Variants in DLGAP1 observed in about 807,000 individuals in gnomAD.
DLGAP1 encodes the protein DLG associated protein 1.
A neutral mutation model predicts 90.8 loss-of-function variants in DLGAP1; 11 were observed. The observed-to-expected ratio is 0.12, with a 90% CI of 0.08 to 0.20. The LOEUF (loss-of-function observed/expected upper bound fraction) is 0.20. Ranked by LOEUF, DLGAP1 falls within the 10% of genes least tolerant of loss-of-function variation. DLGAP1 has a pLI of 1.00. For synonymous variants in DLGAP1, 558 were observed against 540.7 expected (o/e 1.03, Z -0.44); for missense variants, 1,050 against 1,333.8 (o/e 0.79, Z 3.31).
chr18:3,912,328 T>G (rs957287290), intron 3 of DLGAP1, among the ~76,000 whole-genome samples: 8 of 152,164 alleles, frequency 5.3e-5, no homozygotes, highest in Non-Finnish European at 8.8e-5. Context: ...GAAATGCAAA[T>G]GAAGGAAACT....
intron 3 of DLGAP1, among the ~76,000 whole-genome samples, chr18:4,000,593 G>A (rs557622941): frequency 6.6e-6 from 1 of 152,266 alleles, no homozygotes; most frequent in South Asian, 2.1e-4. Context: ...AAATTCCCCA[G>A]GAAAGGCTCA....
chr18:3,914,729 A>G (rs987962568), intron 3 of DLGAP1, among the ~76,000 whole-genome samples: 3 of 152,008 alleles, frequency 2.0e-5, no homozygotes, highest in Non-Finnish European at 4.4e-5. Context: ...AGTATTTGCT[A>G]TCTTTCATTC....
chr18:3,583,180 ACCTACCTT>A (rs1178778893), intron 7 of DLGAP1, among the ~76,000 whole-genome samples: 47 of 132,900 alleles, frequency 3.5e-4, no homozygotes, highest in South Asian at 9.6e-4. Flanking sequence ...CTACCTACCT[ACCTACCTT>A]CCTTCCTTCC....
chr18:3,871,438 T>C (rs1173004495), intron 4 of DLGAP1, among the ~76,000 whole-genome samples: 2 of 152,232 alleles, frequency 1.3e-5, no homozygotes, highest in Non-Finnish European at 1.5e-5. Context: ...ATGTATCTTA[T>C]GATTTTAGAG....
At chr18:3,887,212 C>T (rs2071339818) in intron 3 of DLGAP1, among the ~76,000 whole-genome samples, 7 of 152,100 alleles carry the variant, frequency 4.6e-5, no homozygotes, top group South Asian at 4.2e-4. Context: ...CAAAATAGCT[C>T]GCGGTTATTT....
intron 5 of DLGAP1, among the ~76,000 whole-genome samples, chr18:3,748,318 C>T (rs1186954626): frequency 3.9e-5 from 6 of 152,206 alleles, no homozygotes. Context: ...AGAGCGTGTA[C>T]AGTAATCATC....
chr18:3,499,296 G>T lies in DLGAP1; in HGVS notation c.2823C>A (p.Ala941=), dbSNP rs756019461. 1 of 1,587,618 alleles carries T rather than the reference G, an allele frequency of 6.3e-7. No individual in the cohort carries two copies. Among genetic ancestry groups the T allele is most frequent in the Non-Finnish European group, 8.6e-7 (1 of 1,168,170 alleles). The change falls in exon 13 of 13, where the codon GCC becomes GCA. Residue 941 remains alanine, a synonymous_variant. Coordinates refer to ENST00000315677, the MANE Select transcript of DLGAP1 (RefSeq NM_004746.4). This position sits in a 1 kb window ranked among gnomAD's most constrained non-coding sequence, Gnocchi z 6.4. ...RSLESSQRQE[A]RKRLMAAKRA... The stretch of plus-strand genomic sequence containing the variant: ...GCTTGGCGGCCATCAGGCGCTTGCG[G>T]GCCTCCTGGCGCTGCGAGCTCTCCA...
intron 2 of DLGAP1, among the ~76,000 whole-genome samples, chr18:4,116,082 C>A (rs1356908276): frequency 2.0e-5 from 3 of 152,174 alleles, no homozygotes; most frequent in African/African-American, 4.8e-5. Context: ...AGGGGGTTAA[C>A]AAACAGCATT....
At chr18:3,887,755 TA>T (rs2148848317) in intron 3 of DLGAP1, among the ~76,000 whole-genome samples, 1 of 151,680 alleles carries the variant, frequency 6.6e-6, no homozygotes, top group Non-Finnish European at 1.5e-5. Flanking sequence ...TATTACTTTT[TA>T]AAATAAGAAA....
chr18:3,920,766 C>T (rs1010528118), intron 3 of DLGAP1, among the ~76,000 whole-genome samples: 3 of 168 alleles, frequency 0.018, 1 homozygote, highest in Admixed American at 0.091. Flanking sequence ...ATACGCACAT[C>T]TTATTTCCAG....
chr18:3,651,313 T>C (rs1475094240), intron 7 of DLGAP1, among the ~76,000 whole-genome samples: 1 of 150,150 alleles, frequency 6.7e-6, no homozygotes, highest in Non-Finnish European at 1.5e-5. Context: ...GAGCCGACAA[T>C]GTGCCGCTGC....
At chr18:3,931,902 C>T (rs1196363477) in intron 3 of DLGAP1, among the ~76,000 whole-genome samples, 1 of 152,162 alleles carries the variant, frequency 6.6e-6, no homozygotes. Context: ...GATGGTGACT[C>T]ATCTCCTCAT....
chr18:4,006,547 G>A lies in DLGAP1; in HGVS notation c.-158-1346C>T, dbSNP rs536913908. 1.1e-4 allele frequency among the ~76,000 whole-genome samples: 17 copies of A among 152,256 alleles called. No homozygotes were observed. The South Asian group carries it at 3.5e-3, about 32-fold the overall frequency. ...TGAATTTTTGCAGTCACAGTTGGAG[G>A]AGGGTTAATCATAGTTATCGCAAGC... On this transcript the variant is annotated intron_variant, in intron 2 of 12. Coordinates refer to ENST00000315677, the MANE Select transcript of DLGAP1 (RefSeq NM_004746.4).
At chr18:3,732,704 A>G (rs1478419136) in intron 6 of DLGAP1, among the ~76,000 whole-genome samples, 3 of 152,156 alleles carry the variant, frequency 2.0e-5, no homozygotes, top group African/African-American at 7.2e-5. Flanking sequence ...TTTTGACATG[A>G]AAGTAGTAAT....
chr18:4,440,967 G>A (rs1475395029), intron 1 of DLGAP1, among the ~76,000 whole-genome samples: 2 of 152,226 alleles, frequency 1.3e-5, no homozygotes, highest in Non-Finnish European at 2.9e-5. Flanking sequence ...TAAATAGACT[G>A]AAGGTTTTAC....
chr18:4,103,622 T>C (rs1029970768), intron 2 of DLGAP1, among the ~76,000 whole-genome samples: 5 of 152,156 alleles, frequency 3.3e-5, no homozygotes, highest in African/African-American at 7.2e-5. Flanking sequence ...CTAGGAATTA[T>C]AGTATTGAAT....
At chr18:4,129,020 C>T (rs1004586635) in intron 2 of DLGAP1, among the ~76,000 whole-genome samples, 1 of 151,914 alleles carries the variant, frequency 6.6e-6, no homozygotes, top group African/African-American at 2.4e-5. Flanking sequence ...ATAGAGTGAA[C>T]AGAAGTTTTT....
In DLGAP1 at chr18:4,124,299, C is replaced by G. The variant is rs77696388; in HGVS notation, c.-159+26881G>C. ...AGGATGGAGGTGGAATTTCTCCACC[C>G]CTACACCTCCAAAATGAATATTACC... On this transcript the variant is annotated intron_variant, in intron 2 of 12. Transcript: ENST00000315677. 2.7e-3 allele frequency among the ~76,000 whole-genome samples: 410 copies of G among 152,264 alleles called. 4 individuals are homozygous for G. The highest frequency in any genetic ancestry group is 8.6e-3 in the African/African-American group (359 of 41,556).
intron 7 of DLGAP1, among the ~76,000 whole-genome samples, chr18:3,644,539 T>C (rs2059053225): frequency 6.6e-6 from 1 of 152,016 alleles, no homozygotes; most frequent in South Asian, 2.1e-4. Flanking sequence ...GCCTCCTGAA[T>C]AGCTGGGATT....
Sources: allele counts gnomAD v4.1 joint callset (sites outside exome capture counted in the v4.1 genomes callset), GRCh38; gene constraint gnomAD v4.1.1; non-coding constraint Gnocchi (gnomAD v3.1); transcripts MANE v1.5; gene names NCBI Gene and HGNC (gene_info 2026-07-23, HGNC 2026-07-21).